The following SLC35D1 variants were observed in gnomAD, a reference collection of about 807,000 sequenced individuals.
The protein encoded by SLC35D1 is nucleotide sugar transporter SLC35D1.
A neutral mutation model predicts 46.7 loss-of-function variants in SLC35D1; 31 were observed. That is an observed-to-expected ratio of 0.66 (90% CI 0.50 to 0.90). The LOEUF is 0.90. Ranked by LOEUF, SLC35D1 falls within the 40% of genes least tolerant of loss-of-function variation. The pLI is 0.00. For synonymous variants in SLC35D1, 195 were observed against 164.6 expected, an observed-to-expected ratio of 1.18 and a Z score of -1.41; for missense variants, 397 against 426.2, an observed-to-expected ratio of 0.93 and a Z score of 0.60.
At chr1:67,032,052 A>G in intron 8 of SLC35D1, 1 of 985,396 alleles carries the variant, frequency 1.0e-6, no homozygotes, top group Non-Finnish European at 1.2e-6. Context: ...ACACAGAACT[A>G]AACAGGCTCT....
chr1:67,053,710 C>T, intron 1 of SLC35D1, 101 bp downstream of exon 1: 3 of 1,160,446 alleles, frequency 2.6e-6, no homozygotes, highest in Non-Finnish European at 3.4e-6. Flanking sequence ...CAACTTTGTT[C>T]GGCTTTAACT....
rs755356470 is a variant in SLC35D1 at position 67,042,285 on chromosome 1, A to T, written c.680T>A (p.Met227Lys). Residue 227 changes from methionine to lysine, a missense_variant, in exon 8 of 12, where the codon ATG (methionine) becomes AAG (lysine). By Grantham distance (95) the Met-to-Lys change is moderately conservative (BLOSUM62 -1). Coordinates refer to ENST00000235345, the MANE Select transcript of SLC35D1 (RefSeq NM_015139.3). ...YGLLYYNALFMILPTLAIAYF... is the reference protein window; with the variant it reads ...YGLLYYNALFKILPTLAIAYF... ...CGCAATGGCCAGGGTGGGCAGAATC[A>T]TGAACAGTGCATTGTAATAGAGCAG... The T allele has an allele frequency of 1.2e-6, 2 of 1,614,190 alleles. No individual in the cohort carries two copies.
chr1:66,988,307 A>G, the SLC35D1 span: 2 of 152,476 alleles, frequency 1.3e-5, no homozygotes, highest in East Asian at 3.8e-4. Flanking sequence ...TACTGATACA[A>G]CTTTTTACCG....
chr1:66,974,481 A>G, the SLC35D1 span, among the ~76,000 whole-genome samples: 3 of 151,672 alleles, frequency 2.0e-5, no homozygotes, highest in African/African-American at 7.3e-5. Context: ...GAATTAAAAC[A>G]CTCTTAACCA....
At chr1:66,995,572 A>G (rs1456089070), downstream of SLC35D1, among the ~76,000 whole-genome samples, 2 of 147,284 alleles carry the variant, frequency 1.4e-5, no homozygotes, top group African/African-American at 5.0e-5. Context: ...AGGGCAGGGG[A>G]GCCTATTTCA....
At chr1:66,995,676 G>A (rs1255993156), downstream of SLC35D1, among the ~76,000 whole-genome samples, 4 of 151,920 alleles carry the variant, frequency 2.6e-5, no homozygotes, top group Non-Finnish European at 5.9e-5. Context: ...GCCCTAGAAG[G>A]TGGGTGGGCT....
chr1:67,050,588 A>G (rs141815355), intron 4 of SLC35D1, 84 bp from the exon 5 acceptor site: 6 of 1,053,678 alleles, frequency 5.7e-6, no homozygotes, highest in African/African-American at 3.2e-5. Flanking sequence ...AGTTAAAATA[A>G]TGCTATTCTT....
At chr1:66,998,521 T>C (rs1667270069), downstream of SLC35D1, among the ~76,000 whole-genome samples, 1 of 152,102 alleles carries the variant, frequency 6.6e-6, no homozygotes, top group Admixed American at 6.5e-5. Flanking sequence ...AAGTGGGATC[T>C]TGAAAAGTAT....
rs772320974 is a variant in SLC35D1, at chr1:67,004,389, T to C, written c.1019A>G (p.Gln340Arg). The change falls in exon 12 of 12, where the codon CAG becomes CGG. Residue 340 changes from glutamine to arginine, a missense_variant. Transcript: ENST00000235345. ...GTCCAGCTTGTTATTAGCCTCTGAC[T>C]GTTTGCTCAGCTGCTCTTCAGTGAA... ...ITFTEEQLSKQSEANNKLDIK... is the reference protein window; with the variant it reads ...ITFTEEQLSKRSEANNKLDIK... 6.2e-7 allele frequency: 1 copy of C among 1,614,124 alleles called. No homozygotes were observed.
chr1:67,004,494 T>C (rs1407734464), intron 11 of SLC35D1, 46 bp from the exon 12 acceptor site: 2 of 1,549,020 alleles, frequency 1.3e-6, no homozygotes, highest in African/African-American at 2.7e-5. Context: ...AGGGAGGGTT[T>C]TAGTGTAAAC....
Position 67,047,265 on chromosome 1 carries a change from T to G in SLC35D1, c.636A>C (p.Lys212Asn). Reference protein sequence around the residue: ...GAYVKQKLDSKELGKYGLLYY... With the variant: ...GAYVKQKLDSNELGKYGLLYY... ...GTTAAAGCTTTAGATTGCTACTTAC[T>G]TTTGAATCTAATTTTTGTTTTACGT... The change falls in exon 7 of 12, where the codon AAA becomes AAC. Residue 212 changes from lysine (K) to asparagine (N), a missense_variant and splice_region_variant. Transcript: ENST00000235345. 1 of 1,609,796 alleles carries G rather than the reference T, an allele frequency of 6.2e-7. No individual in the cohort carries two copies. The highest frequency in any genetic ancestry group is 8.5e-7 in the Non-Finnish European group (1 of 1,177,020).
chr1:67,038,548 T>TA (rs34359750), intron 8 of SLC35D1, among the ~76,000 whole-genome samples: 90,659 of 150,226 alleles, frequency 0.6, 28,500 homozygotes, highest in East Asian at 0.84. Context: ...GGCTTTGTAC[T>TA]AAAAAAAAAA....
At chr1:67,013,385 A>AACAAT (rs1222313835) in intron 10 of SLC35D1, among the ~76,000 whole-genome samples, 12 of 151,362 alleles carry the variant, frequency 7.9e-5, no homozygotes, top group Admixed American at 7.9e-4. Context: ...TGTTTCTATA[A>AACAAT]AAAATAAAAT....
Position 67,045,871 on chromosome 1 carries a change from T to G in SLC35D1, c.636+1394A>C, listed in dbSNP as rs146852371. Among the ~76,000 whole-genome samples the G allele has an allele frequency of 3.8e-3, 580 of 152,284 alleles. 3 individuals carry two copies. The highest frequency in any genetic ancestry group is 0.014 in the African/African-American group (563 of 41,560). On this transcript the variant is annotated intron_variant, in intron 7 of 11. Coordinates refer to ENST00000235345, the MANE Select transcript of SLC35D1 (RefSeq NM_015139.3). ...CAGAAAATTCTATTAACAGTGATGT[T>G]TTAGACAACTGAAGCTGCTGGACAA...
chr1:66,984,175 T>C, the SLC35D1 span, among the ~76,000 whole-genome samples: 1 of 152,274 alleles, frequency 6.6e-6, no homozygotes, highest in African/African-American at 2.4e-5. Context: ...GAAAACCTTT[T>C]GTTAAATCTG....
chr1:66,999,428 A>G lies in SLC35D1; in HGVS notation c.*4912T>C, dbSNP rs1207843816. ...CACCATTACAAAAATATTTAGGCAC[A>G]TAATTTTCATGTTTATGTCACCTGA... On this transcript the variant is annotated 3_prime_UTR_variant, in exon 12 of 12. Transcript: ENST00000235345. 6.6e-6 allele frequency: 1 copy of G among 152,306 alleles called. No individual in the cohort carries two copies. Among genetic ancestry groups the G allele is most frequent in the Non-Finnish European group, 1.5e-5 (1 of 68,032 alleles). The allele number at this position is 152,306 out of a possible 1,614,324, so 9.4% of individuals were successfully genotyped here.
the SLC35D1 span, among the ~76,000 whole-genome samples, chr1:66,983,446 A>T: frequency 6.6e-6 from 1 of 152,018 alleles, no homozygotes; most frequent in East Asian, 1.9e-4. Context: ...AAGCAATTAA[A>T]TTGTAATTAT....
Position 67,052,005 on chromosome 1 carries a change from T to A in SLC35D1, c.392+7A>T. The A allele has an allele frequency of 6.3e-7, 1 of 1,576,950 alleles. No individual in the cohort carries two copies. The highest frequency in any genetic ancestry group is 2.2e-5 in the East Asian group (1 of 44,580). ...TAACCTCACTAGTAAAATAAAGTTA[T>A]CCATACTTCAGTTTCTTTGTGCTGA... On this transcript the variant is annotated splice_region_variant and intron_variant, in intron 4 of 11. Coordinates refer to ENST00000235345, the MANE Select transcript of SLC35D1 (RefSeq NM_015139.3).
rs1012947399 is a variant in SLC35D1 at position 67,053,730 on chromosome 1, A to G, written c.203+81T>C. 5.4e-6 allele frequency: 7 copies of G among 1,286,814 alleles called. No homozygotes were observed. In the African/African-American group the frequency reaches 9.4e-5, roughly 17 times the overall value. 79.7% of individuals were successfully genotyped at this position (1,286,814 alleles called of 1,614,324 possible). ...TTGTTCGGCTTTAACTTTGGCAGTC[A>G]AAGTCCAGGGAGCCGGCGCCGCGCC... On this transcript the variant is annotated intron_variant, in intron 1 of 11. Transcript: ENST00000235345.
Sources: gnomAD v4.1 joint callset for allele counts (sites outside exome capture counted in the v4.1 genomes callset) on GRCh38, gnomAD v4.1.1 for gene constraint, MANE v1.5 for transcripts, NCBI Gene and HGNC (gene_info 2026-07-23, HGNC 2026-07-21) for gene names.